ADAMTS17: variants seen among roughly 807,000 people sequenced by gnomAD.
The protein encoded by ADAMTS17 is ADAM metallopeptidase with thrombospondin type 1 motif 17, also known as A disintegrin and metalloproteinase with thrombospondin motifs 17.
ADAMTS17 carries 113 observed loss-of-function variants against 141.5 expected under a neutral mutation model. The observed-to-expected ratio is 0.80, with a 90% CI of 0.69 to 0.93. The LOEUF (loss-of-function observed/expected upper bound fraction) is 0.93, where lower values mean the gene tolerates loss of function less well. Among genes scored for constraint, ADAMTS17 ranks in the 40% least tolerant of loss-of-function variants. The pLI is 0.00. For missense variants in ADAMTS17, 1,659 were observed against 1,517.9 expected (o/e 1.09, Z -1.54); for synonymous variants, 768 against 630.6 (o/e 1.22, Z -3.27).
intron 3 of ADAMTS17, among the ~76,000 whole-genome samples, chr15:100,298,811 T>C (rs1230911719): frequency 1.3e-5 from 2 of 152,190 alleles, no homozygotes; most frequent in African/African-American, 4.8e-5. Context: ...TGCATCACCC[T>C]TAAACCTTTG....
intron 2 of ADAMTS17, among the ~76,000 whole-genome samples, chr15:100,337,033 C>T (rs1205246900): frequency 1.3e-5 from 2 of 152,184 alleles, no homozygotes; most frequent in Admixed American, 6.5e-5. Context: ...ACCACCATGC[C>T]CAGCTAATTT....
chr15:100,317,263 G>A (rs2045593998), intron 3 of ADAMTS17, among the ~76,000 whole-genome samples: 1 of 152,176 alleles, frequency 6.6e-6, no homozygotes, highest in African/African-American at 2.4e-5. Flanking sequence ...AGCTTGTGAG[G>A]CACAAGCTTG....
At chr15:100,335,233 A>C (rs1273054113) in intron 2 of ADAMTS17, among the ~76,000 whole-genome samples, 2 of 152,174 alleles carry the variant, frequency 1.3e-5, no homozygotes, top group Non-Finnish European at 2.9e-5. Context: ...TCTAGGATCA[A>C]GTCCAAATGC....
At chr15:100,304,805 T>G (rs983373217) in intron 3 of ADAMTS17, among the ~76,000 whole-genome samples, 1 of 152,188 alleles carries the variant, frequency 6.6e-6, no homozygotes, top group Non-Finnish European at 1.5e-5. Flanking sequence ...CACTTATACA[T>G]GGATTTTCAC....
intron 4 of ADAMTS17, among the ~76,000 whole-genome samples, chr15:100,272,856 G>T: frequency 6.6e-6 from 1 of 151,910 alleles, no homozygotes; most frequent in Non-Finnish European, 1.5e-5. Context: ...TTATAATGTT[G>T]AGGTAGTTTC....
At chr15:100,302,905 T>G (rs1025561743) in intron 3 of ADAMTS17, among the ~76,000 whole-genome samples, 1 of 151,938 alleles carries the variant, frequency 6.6e-6, no homozygotes, top group South Asian at 2.1e-4. Flanking sequence ...CAGAAAAATG[T>G]GAGAAGAGAA....
chr15:100,078,699 A>G (rs964524277), intron 15 of ADAMTS17, among the ~76,000 whole-genome samples: 1 of 152,240 alleles, frequency 6.6e-6, no homozygotes, highest in East Asian at 1.9e-4. Context: ...CACACGCAAC[A>G]AAAGAAAAAA....
chr15:99,987,160 A>C (rs1009938046), intron 20 of ADAMTS17, among the ~76,000 whole-genome samples: 1 of 151,900 alleles, frequency 6.6e-6, no homozygotes, highest in Admixed American at 6.6e-5. Context: ...CCCATTCCTC[A>C]CCTCCTTGGA....
chr15:99,977,412 T>A (rs1485577663), intron 20 of ADAMTS17, among the ~76,000 whole-genome samples: 40 of 78,398 alleles, frequency 5.1e-4, no homozygotes, highest in African/African-American at 1.9e-3. Flanking sequence ...TTTTTTTTTT[T>A]TTTTTTTTTT....
intron 8 of ADAMTS17, among the ~76,000 whole-genome samples, chr15:100,157,824 G>A (rs546515340): frequency 6.6e-6 from 1 of 152,040 alleles, no homozygotes; most frequent in Non-Finnish European, 1.5e-5. Flanking sequence ...ATCCAATTAG[G>A]GTTAAAGGAA....
intron 3 of ADAMTS17, among the ~76,000 whole-genome samples, chr15:100,288,992 T>C (rs1467000939): frequency 6.6e-6 from 1 of 151,656 alleles, no homozygotes; most frequent in African/African-American, 2.4e-5. Flanking sequence ...AGACAAGAAA[T>C]AACCAAAATC....
At chr15:100,297,007 A>G (rs1421046482) in intron 3 of ADAMTS17, among the ~76,000 whole-genome samples, 3 of 152,192 alleles carry the variant, frequency 2.0e-5, no homozygotes, top group Non-Finnish European at 4.4e-5. Context: ...GGACAATGCT[A>G]TGAGAAAATA....
chr15:100,207,934 C>A (rs2041641819), intron 7 of ADAMTS17, among the ~76,000 whole-genome samples: 2 of 152,170 alleles, frequency 1.3e-5, no homozygotes, highest in African/African-American at 4.8e-5. Context: ...TAAAAACACT[C>A]AAACACAGCC....
At chr15:100,202,355 C>T (rs2041368099) in intron 7 of ADAMTS17, among the ~76,000 whole-genome samples, 1 of 152,178 alleles carries the variant, frequency 6.6e-6, no homozygotes, top group Admixed American at 6.5e-5. Flanking sequence ...ACAAGAAATG[C>T]TCTTGCACAA....
At chr15:100,139,878 G>A (rs1281438862) in intron 10 of ADAMTS17, among the ~76,000 whole-genome samples, 1 of 152,286 alleles carries the variant, frequency 6.6e-6, no homozygotes, top group Non-Finnish European at 1.5e-5. Context: ...TATACAGAAA[G>A]GACATTGATG....
intron 3 of ADAMTS17, among the ~76,000 whole-genome samples, chr15:100,294,639 T>A (rs1404984243): frequency 6.6e-6 from 1 of 151,746 alleles, no homozygotes; most frequent in Non-Finnish European, 1.5e-5. Flanking sequence ...GCCCAGAGAC[T>A]GATGATGCAT....
At position 99,971,813 on chromosome 15, in the gene ADAMTS17, G is replaced by A. The variant is rs1218087133; in HGVS notation, c.*2589C>T. 6.6e-6 allele frequency: 1 copy of A among 152,164 alleles called. No homozygotes were observed. Among genetic ancestry groups the A allele is most frequent in the Non-Finnish European group, 1.5e-5 (1 of 68,054 alleles). 9.4% of individuals were successfully genotyped at this position (152,164 alleles called of 1,614,324 possible). A position where few individuals can be genotyped will look rare whatever the true frequency, so the allele number is the denominator to read the frequency against. Reference sequence around the variant, plus strand: ...TTAGTGACACGTGTGCAAGCACAAAGGTACAGTACTCGAGGGACAGTACAG... The same window carrying A: ...TTAGTGACACGTGTGCAAGCACAAAAGTACAGTACTCGAGGGACAGTACAG... On this transcript the variant is annotated 3_prime_UTR_variant, in exon 22 of 22. Coordinates refer to ENST00000268070, the MANE Select transcript of ADAMTS17 (RefSeq NM_139057.4).
rs143829533 is a variant in ADAMTS17, at chr15:100,056,518, A to C, written c.2138-2464T>G. Among the ~76,000 whole-genome samples, 5 of 152,294 alleles carry C rather than the reference A, an allele frequency of 3.3e-5. No homozygotes were observed. In the East Asian group the frequency reaches 9.7e-4, roughly 30 times the overall value. On this transcript the variant is annotated intron_variant, in intron 15 of 21. Transcript: ENST00000268070. ...ATCAGCCATTAGATTCTCATAAGGC[A>C]TGCACAACCCAGATCCCTTGCACGT...
At chr15:100,248,914 G>A (rs1017271539) in intron 7 of ADAMTS17, among the ~76,000 whole-genome samples, 16 of 151,554 alleles carry the variant, frequency 1.1e-4, no homozygotes, top group African/African-American at 3.6e-4. Flanking sequence ...TTGTCCTGTC[G>A]CAGCCTCCTG....
Sources: allele counts gnomAD v4.1 joint callset (sites outside exome capture counted in the v4.1 genomes callset), GRCh38; gene constraint gnomAD v4.1.1; transcripts MANE v1.5; gene names NCBI Gene and HGNC (gene_info 2026-07-23, HGNC 2026-07-21).